Variants in COL24A1 observed in about 807,000 individuals in gnomAD.
COL24A1 encodes collagen type XXIV alpha 1 chain, also known as collagen alpha-1(XXIV) chain.
A neutral mutation model predicts 253.9 loss-of-function variants in COL24A1; 224 were observed. That is an observed-to-expected ratio of 0.88 (90% CI 0.79 to 0.99). The LOEUF is 0.99. Ranked by LOEUF, COL24A1 falls within the 50% of genes least tolerant of loss-of-function variation. COL24A1 has a pLI of 0.00. For missense variants in COL24A1, 2,131 were observed against 2,068.5 expected (o/e 1.03, Z -0.59); for synonymous variants, 685 against 673.7 (o/e 1.02, Z -0.26).
chr1:86,152,665 A>G (rs1652929055), intron 1 of COL24A1, among the ~76,000 whole-genome samples: 2 of 152,208 alleles, frequency 1.3e-5, no homozygotes, highest in African/African-American at 4.8e-5. Flanking sequence ...ACTTCATTTA[A>G]TCAAAGTGTC....
chr1:86,026,303 C>A, intron 14 of COL24A1, among the ~76,000 whole-genome samples: 1 of 152,166 alleles, frequency 6.6e-6, no homozygotes, highest in East Asian at 1.9e-4. Flanking sequence ...AAAGATGACT[C>A]TTACTATCTG....
chr1:85,940,444 C>CCATAAGATA (rs1437011249), intron 24 of COL24A1, among the ~76,000 whole-genome samples: 1 of 141,610 alleles, frequency 7.1e-6, no homozygotes, highest in Non-Finnish European at 1.6e-5. Context: ...AAAAAAAGTG[C>CCATAAGATA]CATAAGATAT....
intron 2 of COL24A1, among the ~76,000 whole-genome samples, chr1:86,133,396 G>A (rs1649634031): frequency 6.6e-6 from 1 of 152,206 alleles, no homozygotes; most frequent in Non-Finnish European, 1.5e-5. Context: ...ATGTTGAGTA[G>A]GAGTGGTGAG....
At chr1:85,744,506 C>T (rs1478008272) in intron 57 of COL24A1, among the ~76,000 whole-genome samples, 160 bp downstream of exon 57, 1 of 151,048 alleles carries the variant, frequency 6.6e-6, no homozygotes, top group African/African-American at 2.4e-5. Context: ...AGAATCATGT[C>T]TCCCTCATAG....
intron 57 of COL24A1, among the ~76,000 whole-genome samples, chr1:85,740,305 C>T (rs1283757544): frequency 6.6e-6 from 1 of 152,160 alleles, no homozygotes; most frequent in Non-Finnish European, 1.5e-5. Flanking sequence ...AACTATCTTA[C>T]ACCTATTCAT....
chr1:85,897,547 A>G (rs1683871725), intron 28 of COL24A1, among the ~76,000 whole-genome samples: 1 of 152,212 alleles, frequency 6.6e-6, no homozygotes, highest in South Asian at 2.1e-4. Flanking sequence ...GGGCACAGAA[A>G]AGGTAGAGAA....
chr1:86,143,155 G>C (rs1651399630), intron 2 of COL24A1, among the ~76,000 whole-genome samples: 1 of 152,170 alleles, frequency 6.6e-6, no homozygotes, highest in African/African-American at 2.4e-5. Flanking sequence ...GATGCAACTA[G>C]AGGATGTGCT....
rs1404002316 is a variant in COL24A1 at position 85,895,866 on chromosome 1, C to G, written c.2914G>C (p.Gly972Arg). 1 of 1,607,036 alleles carries G rather than the reference C, an allele frequency of 6.2e-7. No homozygotes were observed. Among genetic ancestry groups the G allele is most frequent in the South Asian group, 1.1e-5 (1 of 89,440 alleles). Residue 972 changes from glycine to arginine, a missense_variant, in exon 31 of 60, where the codon GGG becomes CGG. Coordinates refer to ENST00000370571, the MANE Select transcript of COL24A1 (RefSeq NM_152890.7). ...TTTTTTAAATTACTTACTGGTTTCC[C>G]TTGAAATCCTCTTTCTCCAGGGTTT... is the stretch of plus-strand genomic sequence containing the variant. ...TGNPGERGFQ[G>R]KPGLQGLPGS...
At chr1:85,760,589 A>C (rs1474690911) in intron 55 of COL24A1, among the ~76,000 whole-genome samples, 1 of 152,152 alleles carries the variant, frequency 6.6e-6, no homozygotes, top group African/African-American at 2.4e-5. Flanking sequence ...ACTAGCAGAG[A>C]TCTAAATGAC....
At chr1:85,805,830 C>T (rs902993581) in intron 47 of COL24A1, among the ~76,000 whole-genome samples, 3 of 152,134 alleles carry the variant, frequency 2.0e-5, no homozygotes, top group Non-Finnish European at 4.4e-5. Flanking sequence ...AATCCCAGCA[C>T]TTTGGGAGGC....
intron 7 of COL24A1, among the ~76,000 whole-genome samples, chr1:86,078,536 T>C (rs1170074787): frequency 1.3e-5 from 2 of 152,178 alleles, no homozygotes; most frequent in Middle Eastern, 3.2e-3. Context: ...GCAGATGATA[T>C]GAAGTTATAG....
intron 12 of COL24A1, among the ~76,000 whole-genome samples, chr1:86,035,933 T>C (rs1168817676): frequency 6.6e-6 from 1 of 151,978 alleles, no homozygotes; most frequent in African/African-American, 2.4e-5. Flanking sequence ...AGAGGGAAGA[T>C]GAGAAAGAGA....
intron 7 of COL24A1, among the ~76,000 whole-genome samples, chr1:86,065,556 C>A (rs185999245): frequency 3.9e-5 from 6 of 152,130 alleles, no homozygotes; most frequent in African/African-American, 1.2e-4. Flanking sequence ...AGCCCCAGGA[C>A]TTGACAGTTA....
chr1:86,105,036 A>G (rs1049651721), intron 5 of COL24A1, among the ~76,000 whole-genome samples: 1 of 152,152 alleles, frequency 6.6e-6, no homozygotes, highest in Non-Finnish European at 1.5e-5. Flanking sequence ...CCCTCCGTAC[A>G]TGTTCACACA....
intron 24 of COL24A1, among the ~76,000 whole-genome samples, chr1:85,945,451 C>T (rs1047211686): frequency 1.3e-5 from 2 of 151,182 alleles, no homozygotes; most frequent in African/African-American, 4.9e-5. Flanking sequence ...TCAGTTAAAC[C>T]TTGAGTGTGG....
intron 20 of COL24A1, among the ~76,000 whole-genome samples, chr1:85,984,525 G>A (rs1198098921): frequency 2.0e-5 from 3 of 151,628 alleles, no homozygotes; most frequent in Admixed American, 1.3e-4. Context: ...CTCAACAAAG[G>A]TTGAATAAAT....
intron 59 of COL24A1, among the ~76,000 whole-genome samples, chr1:85,732,450 C>T (rs368184319): frequency 1.3e-5 from 2 of 151,922 alleles, no homozygotes; most frequent in African/African-American, 4.8e-5. Context: ...AGGATGGTCT[C>T]GATCTCCTGA....
In COL24A1 at chr1:86,022,274, C is replaced by T; in HGVS notation, c.2222G>A (p.Gly741Glu). The T allele has an allele frequency of 6.2e-7, 1 of 1,611,454 alleles. No homozygotes were observed. The highest frequency in any genetic ancestry group is 8.5e-7 in the Non-Finnish European group (1 of 1,178,938). ...TGACTTTCCTCTCATCCCTGGTGGTCCTGGTAAACCAACAGCACCCTAAGA... is the reference window on the plus strand; with the variant it reads ...TGACTTTCCTCTCATCCCTGGTGGTTCTGGTAAACCAACAGCACCCTAAGA... ...PGDKGAVGLP[G>E]PPGMRGKSGP... Residue 741 changes from glycine (G) to glutamate (E), a missense_variant, in exon 18 of 60, where the codon GGA becomes GAA. Gly to Glu is a moderately conservative substitution (Grantham distance 98). Transcript: ENST00000370571.
chr1:86,078,254 T>A (rs2101890386), intron 7 of COL24A1, among the ~76,000 whole-genome samples: 1 of 152,262 alleles, frequency 6.6e-6, no homozygotes, highest in African/African-American at 2.4e-5. Flanking sequence ...TCAACACCCC[T>A]TCTTGGTAAA....
Sources: gnomAD v4.1 joint callset for allele counts (sites outside exome capture counted in the v4.1 genomes callset) on GRCh38, gnomAD v4.1.1 for gene constraint, MANE v1.5 for transcripts, NCBI Gene and HGNC (gene_info 2026-07-23, HGNC 2026-07-21) for gene names.